Variants in RAB5B observed in about 807,000 individuals in gnomAD.
RAB5B encodes the protein ras-related protein Rab-5B.
RAB5B carries 11 observed loss-of-function variants against 28.6 expected under a neutral mutation model. That is an observed-to-expected ratio of 0.38 (90% confidence interval 0.24 to 0.64). The LOEUF (loss-of-function observed/expected upper bound fraction) is 0.64, where lower values mean the gene tolerates loss of function less well. Among genes scored for constraint, RAB5B ranks in the 30% least tolerant of loss-of-function variants. The pLI, the probability that RAB5B is intolerant of heterozygous loss-of-function variation, is 0.53. For synonymous variants in RAB5B, 93 were observed against 97.9 expected, an observed-to-expected ratio of 0.95 and a Z score of 0.29; for missense variants, 169 against 265.6, an observed-to-expected ratio of 0.64 and a Z score of 2.53.
rs1399821329 is a variant in RAB5B at position 55,996,639 on chromosome 12, GATT to G, written c.*4434_*4436del. On this transcript the variant is annotated 3_prime_UTR_variant, in exon 6 of 6. Transcript: ENST00000360299. Reference sequence around the variant, plus strand: ...CTACAGGCGTGTGCCACCAAGGGGCGATTATTATTTTTTTTTTCTACGCAAAAT... The same window carrying G: ...CTACAGGCGTGTGCCACCAAGGGGCGATTATTTTTTTTTTCTACGCAAAAT... The G allele has an allele frequency of 2.0e-5, 3 of 152,076 alleles. No homozygotes were observed. The highest frequency in any genetic ancestry group is 4.4e-5 in the Non-Finnish European group (3 of 68,008). 9.4% of individuals were successfully genotyped at this position (152,076 alleles called of 1,614,324 possible).
At chr12:55,985,828 G>A (rs1592801527) in intron 1 of RAB5B, 1 of 428,804 alleles carries the variant, frequency 2.3e-6, no homozygotes, top group African/African-American at 2.0e-5. Flanking sequence ...TGCAAGTTGA[G>A]AGTAGGTCAA....
In RAB5B at chr12:55,990,789, T is replaced by A. The variant is rs747808414; in HGVS notation, c.423T>A (p.Arg141=). The change falls in exon 4 of 6, where the codon CGT becomes CGA. Residue 141 remains arginine (R), a synonymous_variant. Transcript: ENST00000360299. ...ACAAAGCTGACCTGGCCAACAAACG[T>A]ATGGTGGAGTATGAAGTAAGGTGGC... The part of the protein sequence containing the change: ...AGNKADLANK[R]MVEYEEAQAY... 1.1e-5 allele frequency: 17 copies of A among 1,613,764 alleles called. No individual in the cohort carries two copies. The highest frequency in any genetic ancestry group is 1.4e-5 in the Non-Finnish European group (17 of 1,179,846).
chr12:55,988,542 C>T (rs1217509649), intron 2 of RAB5B, among the ~76,000 whole-genome samples: 3 of 152,130 alleles, frequency 2.0e-5, no homozygotes, highest in Non-Finnish European at 4.4e-5. Flanking sequence ...GAGTCTCTGT[C>T]GCCCAGACTG....
At position 55,987,129 on chromosome 12, in the gene RAB5B, T is replaced by C. The variant is rs747566231; in HGVS notation, c.163+6T>C. 1 of 1,609,210 alleles carries C rather than the reference T, an allele frequency of 6.2e-7. No homozygotes were observed. The highest frequency in any genetic ancestry group is 8.5e-7 in the Non-Finnish European group (1 of 1,177,322). ...CCAGGAGAGCACCATTGGAGGTGAG[T>C]GCCTTGGGGTAATAGGAGATTGAAT... is the stretch of plus-strand genomic sequence containing the variant. On this transcript the variant is annotated splice_donor_region_variant and intron_variant, in intron 2 of 5. Coordinates refer to ENST00000360299, the MANE Select transcript of RAB5B (RefSeq NM_002868.4).
chr12:55,986,219 G>A (rs373326289), intron 1 of RAB5B, among the ~76,000 whole-genome samples: 10 of 152,196 alleles, frequency 6.6e-5, no homozygotes, highest in Admixed American at 6.5e-4. Context: ...GGCCAAGGCG[G>A]GCAGATCACC....
rs920328539 is a variant in RAB5B, at chr12:55,995,571, C to G, written c.*3359C>G. 6.6e-6 allele frequency: 1 copy of G among 151,920 alleles called. No homozygotes were observed. The highest frequency in any genetic ancestry group is 1.5e-5 in the Non-Finnish European group (1 of 68,002). The allele number at this position is 151,920 out of a possible 1,614,324, so 9.4% of individuals were successfully genotyped here. On this transcript the variant is annotated 3_prime_UTR_variant, in exon 6 of 6. Transcript: ENST00000360299. ...CTTCAGTCCACCACAGTCTAAAGGT[C>G]GAGGGAAGGGAAATGAAATAGGATT... is the stretch of plus-strand genomic sequence containing the variant.
intron 1 of RAB5B, among the ~76,000 whole-genome samples, chr12:55,984,700 G>A (rs886457585): frequency 2.6e-5 from 4 of 152,004 alleles, no homozygotes; most frequent in Admixed American, 1.3e-4. Context: ...GGCAGGGCTC[G>A]AACTTCTGAC....
At chr12:55,989,870 C>T (rs771638202) in intron 2 of RAB5B, 77 bp from the exon 3 acceptor site, 39 of 1,516,170 alleles carry the variant, frequency 2.6e-5, no homozygotes, top group Admixed American at 3.4e-5. Flanking sequence ...AGGGCAGTTA[C>T]ATTTTGAAGG....
rs1890147727 is a variant in RAB5B at position 55,992,138 on chromosome 12, G to A, written c.574G>A (p.Ala192Thr). The change falls in exon 6 of 6, where the codon GCA becomes ACA. Residue 192 changes from alanine (A) to threonine (T), a missense_variant. By Grantham distance (58) the Ala-to-Thr change is moderately conservative (BLOSUM62 0). Coordinates refer to ENST00000360299, the MANE Select transcript of RAB5B (RefSeq NM_002868.4). ...GAGTGAACCCCAGAATCTGGGAGGT[G>A]CAGCAGGCCGAAGCCGGGGTGTGGA... is the stretch of plus-strand genomic sequence containing the variant. ...PKSEPQNLGG[A>T]AGRSRGVDLH... The A allele has an allele frequency of 1.2e-6, 2 of 1,614,074 alleles. No individual in the cohort carries two copies. Among genetic ancestry groups the A allele is most frequent in the Non-Finnish European group, 1.7e-6 (2 of 1,180,024 alleles).
rs1381795530 is a variant in RAB5B at position 55,995,847 on chromosome 12, A to G, written c.*3635A>G. On this transcript the variant is annotated 3_prime_UTR_variant, in exon 6 of 6. Coordinates refer to ENST00000360299, the MANE Select transcript of RAB5B (RefSeq NM_002868.4). ...ACACTATTAGGAAGGAGGCTTTTAG[A>G]TAGTCCCTAACTGACTTCTCTGTAT... 1 of 151,016 alleles carries G rather than the reference A, an allele frequency of 6.6e-6. No individual in the cohort carries two copies. Among genetic ancestry groups the G allele is most frequent in the Non-Finnish European group, 1.5e-5 (1 of 67,850 alleles). 9.4% of individuals were successfully genotyped at this position (151,016 alleles called of 1,614,324 possible).
chr12:55,974,520 A>G (rs1049425055), intron 1 of RAB5B, among the ~76,000 whole-genome samples: 1 of 152,170 alleles, frequency 6.6e-6, no homozygotes, highest in Non-Finnish European at 1.5e-5. Context: ...GAGGAGGGTC[A>G]GACCTGTCGC....
At chr12:55,980,686 G>T in intron 1 of RAB5B, 1 of 1,587,292 alleles carries the variant, frequency 6.3e-7, no homozygotes, top group Admixed American at 1.7e-5. Context: ...CTAGCAAGAG[G>T]TGCTCCACCC....
chr12:55,989,891 T>G, intron 2 of RAB5B, 56 bp from the exon 3 acceptor site: 1 of 1,538,494 alleles, frequency 6.5e-7, no homozygotes, highest in East Asian at 2.3e-5. Flanking sequence ...GGGGGAGGGA[T>G]GTTCCCATTC....
At chr12:55,984,468 G>A (rs10047641) in intron 1 of RAB5B, among the ~76,000 whole-genome samples, 1,678 of 151,336 alleles carry the variant, frequency 0.011, 20 homozygotes, top group African/African-American at 0.034. Context: ...GATTACAGGC[G>A]TGAGCCACTG....
chr12:55,978,828 A>T (rs1234872595), intron 1 of RAB5B, among the ~76,000 whole-genome samples: 1 of 149,434 alleles, frequency 6.7e-6, no homozygotes, highest in African/African-American at 2.5e-5. Flanking sequence ...GCTGGAGTAC[A>T]GTGGTGCAAT....
chr12:55,984,304 C>A (rs1889894370), intron 1 of RAB5B, among the ~76,000 whole-genome samples: 1 of 152,058 alleles, frequency 6.6e-6, no homozygotes, highest in African/African-American at 2.4e-5. Context: ...GTTCACCTGC[C>A]TCAACCTCCC....
intron 2 of RAB5B, among the ~76,000 whole-genome samples, chr12:55,989,649 A>C (rs959448621): frequency 6.6e-6 from 1 of 152,094 alleles, no homozygotes; most frequent in Admixed American, 6.5e-5. Flanking sequence ...TTATTCTCCT[A>C]TTTTGGTTAG....
chr12:55,987,432 G>T (rs1441566943), intron 2 of RAB5B, among the ~76,000 whole-genome samples: 2 of 151,974 alleles, frequency 1.3e-5, no homozygotes, highest in Non-Finnish European at 2.9e-5. Context: ...CCAAAGTGCT[G>T]GGATTACAGG....
chr12:55,974,011 A>T (rs1243762893), upstream of RAB5B: 1 of 152,516 alleles, frequency 6.6e-6, no homozygotes, highest in African/African-American at 2.4e-5. Context: ...GTAGGCGGGT[A>T]ATCGAGCTAT....
Sources: gnomAD v4.1 joint callset for allele counts (sites outside exome capture counted in the v4.1 genomes callset) on GRCh38, gnomAD v4.1.1 for gene constraint, MANE v1.5 for transcripts, NCBI Gene and HGNC (gene_info 2026-07-23, HGNC 2026-07-21) for gene names.